RYR2: variants seen among roughly 807,000 people sequenced by gnomAD.
The protein encoded by RYR2 is cardiac muscle ryanodine receptor-calcium release channel.
Under a neutral mutation model 601.1 loss-of-function variants are expected in RYR2, and 227 were observed. The observed-to-expected ratio is 0.38, with a 90% confidence interval of 0.34 to 0.42. RYR2 has a LOEUF of 0.42. Ranked by LOEUF, RYR2 falls within the 10% of genes least tolerant of loss-of-function variation. RYR2 has a pLI of 1.00. For missense variants in RYR2, 4,646 were observed against 6,156.5 expected (o/e 0.75, Z 8.21); for synonymous variants, 2,223 against 2,175.1 (o/e 1.02, Z -0.61).
At chr1:237,359,272 A>G (rs765899983) in intron 4 of RYR2, among the ~76,000 whole-genome samples, 3 of 152,242 alleles carry the variant, frequency 2.0e-5, no homozygotes, top group Non-Finnish European at 2.9e-5. Flanking sequence ...ATTGAATACT[A>G]TACTGAAAGT....
At chr1:237,107,908 A>G (rs1467396222) in intron 1 of RYR2, among the ~76,000 whole-genome samples, 2 of 151,506 alleles carry the variant, frequency 1.3e-5, no homozygotes, top group African/African-American at 2.4e-5. Flanking sequence ...ATCTTCCTTT[A>G]TTTTTCTTGA....
At chr1:237,046,040 G>C (rs75613589) in intron 1 of RYR2, among the ~76,000 whole-genome samples, 3 of 151,814 alleles carry the variant, frequency 2.0e-5, no homozygotes, top group Non-Finnish European at 4.4e-5. Flanking sequence ...GAATGCTTAC[G>C]GTCTTCCTCC....
intron 1 of RYR2, among the ~76,000 whole-genome samples, chr1:237,163,967 A>G (rs1215001769): frequency 6.6e-6 from 1 of 152,214 alleles, no homozygotes; most frequent in Non-Finnish European, 1.5e-5. Flanking sequence ...TAATGAGACT[A>G]CGGCTTCAAA....
chr1:237,757,600 G>T (rs760648830), intron 81 of RYR2, 97 bp from the exon 82 acceptor site: 1 of 772,454 alleles, frequency 1.3e-6, no homozygotes, highest in Non-Finnish European at 2.3e-6. Flanking sequence ...GCCTGGGGGG[G>T]CATAATAATA....
intron 19 of RYR2, among the ~76,000 whole-genome samples, chr1:237,495,864 T>C (rs1664017224): frequency 6.6e-6 from 1 of 152,280 alleles, no homozygotes; most frequent in South Asian, 2.1e-4. Flanking sequence ...GCTCTGAGTG[T>C]CTCAGTTTAT....
At chr1:237,301,037 A>G (rs1388363062) in intron 2 of RYR2, among the ~76,000 whole-genome samples, 1 of 152,164 alleles carries the variant, frequency 6.6e-6, no homozygotes, top group East Asian at 1.9e-4. Flanking sequence ...AAGTTGTTGT[A>G]TTATAAGTAG....
At chr1:237,787,964 T>C in intron 91 of RYR2, 24 bp from the exon 92 acceptor site, 2 of 1,568,920 alleles carry the variant, frequency 1.3e-6, no homozygotes, top group Non-Finnish European at 1.7e-6. Context: ...GGAGAGCTTA[T>C]GTTTTGTTTG....
chr1:237,655,265 A>G (rs1417367471), intron 52 of RYR2, among the ~76,000 whole-genome samples: 1 of 152,304 alleles, frequency 6.6e-6, no homozygotes, highest in Non-Finnish European at 1.5e-5. Flanking sequence ...GAAAATCTAT[A>G]AATATAAATT....
chr1:237,257,684 A>G lies in RYR2; in HGVS notation c.49-12813A>G, dbSNP rs150844072. On this transcript the variant is annotated intron_variant, in intron 1 of 104. Coordinates refer to ENST00000366574, the MANE Select transcript of RYR2 (RefSeq NM_001035.3). The stretch of plus-strand genomic sequence containing the variant: ...TGTTCCAGAAGACAGTGAGCAAGGA[A>G]ACAGTTGAGTAAACTAAGCAGTTAT... Among the ~76,000 whole-genome samples the G allele has an allele frequency of 5.4e-3, 820 of 152,282 alleles. 4 individuals carry two copies. Among genetic ancestry groups the G allele is most frequent in the Middle Eastern group, 0.014 (4 of 294 alleles).
intron 1 of RYR2, among the ~76,000 whole-genome samples, chr1:237,152,764 A>G (rs1442647522): frequency 6.6e-6 from 1 of 152,204 alleles, no homozygotes; most frequent in Non-Finnish European, 1.5e-5. Flanking sequence ...TTTTATGATG[A>G]AATCACCAAA....
chr1:237,651,571 T>A, intron 51 of RYR2, 70 bp downstream of exon 51: 1 of 976,064 alleles, frequency 1.0e-6, no homozygotes, highest in South Asian at 1.5e-5. Context: ...TGACAACATA[T>A]ACATTTCTTA....
At chr1:237,307,609 TTTTG>T (rs1409597813) in intron 2 of RYR2, among the ~76,000 whole-genome samples, 1 of 152,206 alleles carries the variant, frequency 6.6e-6, no homozygotes, top group African/African-American at 2.4e-5. Context: ...TGAGTTTTGT[TTTTG>T]TTTTTCATAT....
At chr1:237,340,693 A>G (rs1262918725) in intron 3 of RYR2, among the ~76,000 whole-genome samples, 7 of 152,240 alleles carry the variant, frequency 4.6e-5, no homozygotes, top group Non-Finnish European at 1.5e-5. Flanking sequence ...GTACTTCAAT[A>G]ATTAGATTAT....
intron 1 of RYR2, among the ~76,000 whole-genome samples, chr1:237,085,758 CTT>C (rs905027311): frequency 6.6e-6 from 1 of 151,178 alleles, no homozygotes; most frequent in East Asian, 1.9e-4. Flanking sequence ...CTGCTTCTGA[CTT>C]TTTTTTTGAG....
chr1:237,297,216 A>G (rs2149441156), intron 2 of RYR2, among the ~76,000 whole-genome samples: 1 of 152,336 alleles, frequency 6.6e-6, no homozygotes, highest in South Asian at 2.1e-4. Flanking sequence ...TCCATCACAG[A>G]ATGCGAGGGC....
Position 237,646,331 on chromosome 1 carries a change from ACT to A in RYR2, c.7343-2110_7343-2109del, listed in dbSNP as rs1440759358. On this transcript the variant is annotated intron_variant, in intron 48 of 104. Coordinates refer to ENST00000366574, the MANE Select transcript of RYR2 (RefSeq NM_001035.3). ...ACTCCAGCTTGGGCAGCAGAGCAAG[ACT>A]CTGTCTCAAAAAAAAATTTTTTTTT... is the stretch of plus-strand genomic sequence containing the variant. Among the ~76,000 whole-genome samples the A allele has an allele frequency of 4.0e-5, 6 of 151,392 alleles. No homozygotes were observed. The South Asian group carries it at 1.3e-3, about 32-fold the overall frequency.
chr1:237,791,477 G>A lies in RYR2; in HGVS notation c.13525G>A (p.Val4509Ile). 1 of 1,575,942 alleles carries A rather than the reference G, an allele frequency of 6.3e-7. No homozygotes were observed. Among genetic ancestry groups the A allele is most frequent in the Non-Finnish European group, 8.6e-7 (1 of 1,156,912 alleles). Residue 4509 changes from valine (V) to isoleucine (I), a missense_variant, in exon 93 of 105, where the codon GTC becomes ATC. Val to Ile is a conservative substitution (Grantham distance 29). This residue lies in a region of RYR2 where 364 missense variants were observed against 442.9 expected (regional missense o/e 0.82). Transcript: ENST00000366574. ...CAACATGAGAATGTTAGCCTTATTTGTCGCATTTGCTATCAATTTCATCTT... is the reference window on the plus strand; with the variant it reads ...CAACATGAGAATGTTAGCCTTATTTATCGCATTTGCTATCAATTTCATCTT... ...FYNMRMLALFVAFAINFILLF... is the reference protein window; with the variant it reads ...FYNMRMLALFIAFAINFILLF...
intron 2 of RYR2, among the ~76,000 whole-genome samples, chr1:237,305,178 A>G (rs1693751620): frequency 1.3e-5 from 2 of 152,194 alleles, no homozygotes; most frequent in Admixed American, 6.5e-5. Context: ...CACGTGCACA[A>G]GGAAACATAC....
intron 39 of RYR2, 125 bp downstream of exon 39, chr1:237,623,995 T>TA: frequency 3.0e-6 from 2 of 661,720 alleles, no homozygotes; most frequent in South Asian, 3.8e-5. Context: ...GAAAGTTATA[T>TA]AAAAACATTT....
Sources: gnomAD v4.1 joint callset for allele counts (sites outside exome capture counted in the v4.1 genomes callset) on GRCh38, gnomAD v4.1.1 for gene constraint, gnomAD v4.1.1 regional missense constraint, MANE v1.5 for transcripts, NCBI Gene and HGNC (gene_info 2026-07-23, HGNC 2026-07-21) for gene names.